The following ZDHHC11 variants were observed in gnomAD, a reference collection of about 807,000 sequenced individuals.
ZDHHC11 encodes the protein zDHHC palmitoyltransferase 11.
In ZDHHC11, 44 loss-of-function variants were observed where a neutral mutation model predicts 51.3. That is an observed-to-expected ratio of 0.86 (90% CI 0.67 to 1.10). ZDHHC11 has a LOEUF of 1.10. ZDHHC11 is among the 50% of genes least tolerant of loss of function. The pLI, the probability that ZDHHC11 is intolerant of heterozygous loss-of-function variation, is 0.00. For synonymous variants in ZDHHC11, 163 were observed against 222.0 expected, an observed-to-expected ratio of 0.73 and a Z score of 2.36; for missense variants, 400 against 537.7, an observed-to-expected ratio of 0.74 and a Z score of 2.53.
chr5:803,369 G>A (rs1432222319), intron 11 of ZDHHC11, among the ~76,000 whole-genome samples: 1 of 151,178 alleles, frequency 6.6e-6, no homozygotes, highest in Non-Finnish European at 1.5e-5. Flanking sequence ...GATATTTGAG[G>A]AAATCTTTGA....
At chr5:834,681 G>GT (rs1414138312) in intron 6 of ZDHHC11, among the ~76,000 whole-genome samples, 1 of 152,296 alleles carries the variant, frequency 6.6e-6, no homozygotes, top group Admixed American at 6.5e-5. Context: ...CAGATACTGT[G>GT]TTTTTTCACA....
chr5:857,558 A>G (rs78648049), intron 1 of ZDHHC11, among the ~76,000 whole-genome samples: 56 of 90,478 alleles, frequency 6.2e-4, no homozygotes, highest in Middle Eastern at 9.4e-3. Context: ...TCCCCGTCCT[A>G]TCTTTATGAC....
chr5:799,141 G>A (rs1378352291), intron 12 of ZDHHC11, among the ~76,000 whole-genome samples: 1 of 151,928 alleles, frequency 6.6e-6, no homozygotes, highest in Non-Finnish European at 1.5e-5. Flanking sequence ...CATGGGGCTG[G>A]ACCCCCTATG....
chr5:827,286 AAATCTT>A (rs1742420153), intron 7 of ZDHHC11, among the ~76,000 whole-genome samples: 1 of 148,390 alleles, frequency 6.7e-6, no homozygotes, highest in Non-Finnish European at 1.5e-5. Flanking sequence ...CTTAAAGCAT[AAATCTT>A]ACAGGACTGA....
chr5:821,460 T>C (rs1741552453), intron 9 of ZDHHC11: 1 of 172,764 alleles, frequency 5.8e-6, no homozygotes, highest in East Asian at 1.2e-4. Flanking sequence ...GGGTGTGAAC[T>C]ACCCTTCTCT....
At chr5:816,656 C>A in intron 10 of ZDHHC11, 1 of 625,048 alleles carries the variant, frequency 1.6e-6, no homozygotes, top group Non-Finnish European at 3.1e-6. Flanking sequence ...TTATATGCAT[C>A]CCTTTCCAGA....
intron 11 of ZDHHC11, among the ~76,000 whole-genome samples, chr5:809,363 C>T (rs1474665409): frequency 7.0e-6 from 1 of 142,012 alleles, no homozygotes. Flanking sequence ...GGCTGAAGTC[C>T]TAACCCCAGC....
intron 1 of ZDHHC11, among the ~76,000 whole-genome samples, chr5:849,301 C>G (rs1451476927): frequency 2.0e-5 from 3 of 152,148 alleles, no homozygotes; most frequent in Admixed American, 2.0e-4. Flanking sequence ...GTCAGCCCAG[C>G]CAAGCACAGT....
At chr5:855,977 C>A (rs1284973761), upstream of ZDHHC11, among the ~76,000 whole-genome samples, 1 of 151,922 alleles carries the variant, frequency 6.6e-6, no homozygotes, top group Non-Finnish European at 1.5e-5. Flanking sequence ...GGGGCACAGA[C>A]CCCGCGGAGG....
At chr5:850,177 C>A (rs560419462) in intron 1 of ZDHHC11, 1 of 624,452 alleles carries the variant, frequency 1.6e-6, no homozygotes, top group East Asian at 2.8e-5. Context: ...CCTCAGCCAA[C>A]GCTGTCCTGT....
intron 3 of ZDHHC11, among the ~76,000 whole-genome samples, chr5:845,141 G>C (rs2150430549): frequency 2.0e-5 from 3 of 152,420 alleles, no homozygotes; most frequent in South Asian, 4.1e-4. Flanking sequence ...ATAATCCAGG[G>C]GTGACGGGTG....
intron 6 of ZDHHC11, among the ~76,000 whole-genome samples, chr5:834,843 C>A (rs1252889534): frequency 6.6e-6 from 1 of 152,036 alleles, no homozygotes; most frequent in East Asian, 1.9e-4. Context: ...TGCTGTTGCA[C>A]ACGTCATGTA....
At chr5:814,975 A>G (rs1295340145) in intron 10 of ZDHHC11, among the ~76,000 whole-genome samples, 180 bp from the exon 11 acceptor site, 1 of 151,542 alleles carries the variant, frequency 6.6e-6, no homozygotes, top group African/African-American at 2.4e-5. Flanking sequence ...TCCTTGTATT[A>G]TGGGCTGAAC....
At chr5:809,551 C>T (rs1399116069) in intron 11 of ZDHHC11, among the ~76,000 whole-genome samples, 2 of 149,402 alleles carry the variant, frequency 1.3e-5, no homozygotes, top group African/African-American at 5.0e-5. Flanking sequence ...TCATCAGACA[C>T]CGGATCTGCC....
At chr5:834,681 G>T (rs1446620030) in intron 6 of ZDHHC11, among the ~76,000 whole-genome samples, 3 of 152,296 alleles carry the variant, frequency 2.0e-5, no homozygotes, top group Admixed American at 6.5e-5. Flanking sequence ...CAGATACTGT[G>T]TTTTTTCACA....
At chr5:834,166 T>C (rs1743456108) in intron 6 of ZDHHC11, among the ~76,000 whole-genome samples, 1 of 152,290 alleles carries the variant, frequency 6.6e-6, no homozygotes, top group African/African-American at 2.4e-5. Flanking sequence ...TCTGTCTTGT[T>C]GATGACAAGC....
At chr5:851,310 T>G (rs374652574), upstream of ZDHHC11, among the ~76,000 whole-genome samples, 253 of 145,038 alleles carry the variant, frequency 1.7e-3, 2 homozygotes, top group African/African-American at 6.2e-3. Flanking sequence ...CTGAACACGC[T>G]GCGGCTGCTC....
At chr5:855,719 G>C (rs1748128610), upstream of ZDHHC11, among the ~76,000 whole-genome samples, 3 of 149,648 alleles carry the variant, frequency 2.0e-5, no homozygotes. Context: ...AGACCCCACA[G>C]AGGACAGTGA....
chr5:846,053 C>T (rs1746103294), intron 3 of ZDHHC11, among the ~76,000 whole-genome samples: 1 of 150,482 alleles, frequency 6.6e-6, no homozygotes, highest in South Asian at 2.1e-4. Flanking sequence ...CTAGCATGAG[C>T]CAGAGGAGCT....
Sources: allele counts gnomAD v4.1 joint callset (sites outside exome capture counted in the v4.1 genomes callset), GRCh38; gene constraint gnomAD v4.1.1; transcripts MANE v1.5; gene names NCBI Gene and HGNC (gene_info 2026-07-23, HGNC 2026-07-21).